Variants in TMX4 observed in about 807,000 individuals in gnomAD.
The protein encoded by TMX4 is thioredoxin-related transmembrane protein 4.
Under a neutral mutation model 33.3 loss-of-function variants are expected in TMX4, and 23 were observed. The ratio of observed to expected loss-of-function variants is 0.69; its 90% CI spans 0.50 to 0.98. The LOEUF is 0.98. Among genes scored for constraint, TMX4 ranks in the 50% least tolerant of loss-of-function variants. The probability of loss-of-function intolerance (pLI) is 0.00; values close to 1 mark genes in which losing one functional copy is unlikely to be tolerated. For missense variants in TMX4, 399 were observed against 448.9 expected (o/e 0.89, Z 1.01); for synonymous variants, 164 against 161.5 (o/e 1.02, Z -0.12).
intron 2 of TMX4, among the ~76,000 whole-genome samples, chr20:8,004,023 A>G (rs997305094): frequency 1.3e-5 from 2 of 152,088 alleles, no homozygotes; most frequent in East Asian, 1.9e-4. Context: ...TGATATATTC[A>G]GTAAAATCAA....
At chr20:8,018,945 T>C in intron 1 of TMX4, 1 of 426,416 alleles carries the variant, frequency 2.3e-6, no homozygotes, top group Non-Finnish European at 4.6e-6. Context: ...CGTGCTGCAA[T>C]TTCTTCAACA....
chr20:7,991,764 C>T (rs1296884853), intron 5 of TMX4, among the ~76,000 whole-genome samples: 1 of 151,806 alleles, frequency 6.6e-6, no homozygotes, highest in Non-Finnish European at 1.5e-5. Context: ...AAGCAATTAT[C>T]AAGCACATTA....
At chr20:8,011,148 G>C (rs2122878971) in intron 1 of TMX4, among the ~76,000 whole-genome samples, 1 of 152,156 alleles carries the variant, frequency 6.6e-6, no homozygotes, top group East Asian at 1.9e-4. Context: ...TAAGCAGGCT[G>C]AGCATTTTTA....
At position 7,982,088 on chromosome 20, in the gene TMX4, T is replaced by G. The variant is rs2050608455; in HGVS notation, c.*163A>C. ...GATTGTCACACCTGGAAGACTCTCC[T>G]TAGTATACATGAGGCTTACTGCCAT... On this transcript the variant is annotated 3_prime_UTR_variant, in exon 8 of 8. Coordinates refer to ENST00000246024, the MANE Select transcript of TMX4 (RefSeq NM_021156.4). 1 of 678,908 alleles carries G rather than the reference T, an allele frequency of 1.5e-6. No homozygotes were observed. The highest frequency in any genetic ancestry group is 2.0e-5 in the South Asian group (1 of 50,856). The allele number at this position is 678,908 out of a possible 1,614,324, so 42.1% of individuals were successfully genotyped here. A position where few individuals can be genotyped will look rare whatever the true frequency, so the allele number is the denominator to read the frequency against.
At chr20:8,000,191 G>A (rs2050698673) in intron 3 of TMX4, among the ~76,000 whole-genome samples, 1 of 152,134 alleles carries the variant, frequency 6.6e-6, no homozygotes. Context: ...AACAGCCATT[G>A]TTATCAAGTT....
At chr20:8,004,525 C>T (rs2050719699) in intron 2 of TMX4, among the ~76,000 whole-genome samples, 4 of 152,124 alleles carry the variant, frequency 2.6e-5, no homozygotes, top group Non-Finnish European at 5.9e-5. Flanking sequence ...GGGTAACTTC[C>T]ACTTTAAAAT....
chr20:7,987,348 A>T lies in TMX4; in HGVS notation c.555T>A (p.Ala185=). The T allele has an allele frequency of 6.2e-7, 1 of 1,600,918 alleles. No individual in the cohort carries two copies. The highest frequency in any genetic ancestry group is 8.5e-7 in the Non-Finnish European group (1 of 1,176,728). The change falls in exon 6 of 8, where the codon GCT becomes GCA. Residue 185 remains alanine, a synonymous_variant. Coordinates refer to ENST00000246024, the MANE Select transcript of TMX4 (RefSeq NM_021156.4). The part of the protein sequence containing the change: ...NYFTVTLGIP[A]WCSYVFFVIA... ...TGACGAAAAAGACATAAGAACACCA[A>T]GCAGGAATTCCAAGAGTCACTGTGA...
chr20:8,014,673 T>C (rs1057504924), intron 1 of TMX4, among the ~76,000 whole-genome samples: 1 of 152,190 alleles, frequency 6.6e-6, no homozygotes, highest in African/African-American at 2.4e-5. Flanking sequence ...TCCTGGGGCA[T>C]TGCGATGATG....
rs2050586016 is a variant in TMX4, at chr20:7,977,692, T to C, written c.*4559A>G. The C allele has an allele frequency of 6.6e-6, 1 of 152,206 alleles. No homozygotes were observed. The highest frequency in any genetic ancestry group is 2.1e-4 in the South Asian group (1 of 4,832). 9.4% of individuals were successfully genotyped at this position (152,206 alleles called of 1,614,324 possible). On this transcript the variant is annotated 3_prime_UTR_variant, in exon 8 of 8. Coordinates refer to ENST00000246024, the MANE Select transcript of TMX4 (RefSeq NM_021156.4). ...TTCATTAGGCTAAGACTAATACCAG[T>C]AATATAAACAACAAATTTATAACAT...
intron 5 of TMX4, 67 bp downstream of exon 5, chr20:7,995,959 G>T: frequency 7.8e-7 from 1 of 1,286,454 alleles, no homozygotes; most frequent in Non-Finnish European, 1.1e-6. Flanking sequence ...TTTTCCTATT[G>T]CTTAAAAGCT....
At chr20:8,011,924 T>C (rs1436778553) in intron 1 of TMX4, among the ~76,000 whole-genome samples, 1 of 152,186 alleles carries the variant, frequency 6.6e-6, no homozygotes, top group Non-Finnish European at 1.5e-5. Context: ...CGTGTCTCTG[T>C]ATTTCCAAGG....
At chr20:8,018,805 TAATA>T (rs1288653580) in intron 1 of TMX4, 3 of 237,254 alleles carry the variant, frequency 1.3e-5, no homozygotes, top group Non-Finnish European at 2.5e-5. Flanking sequence ...TTACAAGTTA[TAATA>T]AGTATCAACA....
chr20:8,011,770 G>T (rs1451909499), intron 1 of TMX4, among the ~76,000 whole-genome samples: 1 of 152,020 alleles, frequency 6.6e-6, no homozygotes, highest in Non-Finnish European at 1.5e-5. Flanking sequence ...CTCTAGAAAA[G>T]ACTACTATAT....
chr20:7,986,992 T>C (rs1315308983), intron 6 of TMX4, among the ~76,000 whole-genome samples: 10 of 151,396 alleles, frequency 6.6e-5, no homozygotes, highest in Non-Finnish European at 1.5e-5. Flanking sequence ...TCAGTTGTCT[T>C]AGAAACTATC....
intron 2 of TMX4, among the ~76,000 whole-genome samples, chr20:8,004,124 CAA>C (rs755739694): frequency 3.2e-4 from 43 of 132,330 alleles, no homozygotes; most frequent in Admixed American, 7.6e-4. Flanking sequence ...AAATTCATCT[CAA>C]AAAAAAAAAA....
At position 7,978,848 on chromosome 20, in the gene TMX4, C is replaced by G. The variant is rs2050592757; in HGVS notation, c.*3403G>C. 1 of 152,144 alleles carries G rather than the reference C, an allele frequency of 6.6e-6. No homozygotes were observed. Among genetic ancestry groups the G allele is most frequent in the South Asian group, 2.1e-4 (1 of 4,826 alleles). The allele number at this position is 152,144 out of a possible 1,614,324, so 9.4% of individuals were successfully genotyped here. ...AGCTGGGTTGGTTTAGCAGATCTAG[C>G]AAGAGACAAATAATAAGAGAAACCA... is the stretch of plus-strand genomic sequence containing the variant. On this transcript the variant is annotated 3_prime_UTR_variant, in exon 8 of 8. Transcript: ENST00000246024.
At position 7,983,824 on chromosome 20, in the gene TMX4, G is replaced by A. The variant is rs1344179371; in HGVS notation, c.649C>T (p.Pro217Ser). ...LVVISECFYV[P>S]LPRHLSERSE... ...CGCTCAGATAAATGCCTTGGAAGTGGCACATAGAAACATTCTGATATTACC... is the reference window on the plus strand; with the variant it reads ...CGCTCAGATAAATGCCTTGGAAGTGACACATAGAAACATTCTGATATTACC... Residue 217 changes from proline (P) to serine (S), a missense_variant, in exon 7 of 8, where the codon CCA (proline) becomes TCA (serine). Physicochemically the swap from Pro to Ser is moderately conservative, Grantham distance 74. Coordinates refer to ENST00000246024, the MANE Select transcript of TMX4 (RefSeq NM_021156.4). 6.2e-7 allele frequency: 1 copy of A among 1,613,346 alleles called. No individual in the cohort carries two copies. The highest frequency in any genetic ancestry group is 2.2e-5 in the East Asian group (1 of 44,792).
At chr20:8,008,855 A>G (rs527538088) in intron 2 of TMX4, among the ~76,000 whole-genome samples, 1 of 152,320 alleles carries the variant, frequency 6.6e-6, no homozygotes, top group South Asian at 2.1e-4. Flanking sequence ...CCATCTCTAG[A>G]TGGAGGACAA....
intron 5 of TMX4, among the ~76,000 whole-genome samples, chr20:7,989,113 T>C (rs1179888703): frequency 1.3e-5 from 2 of 152,088 alleles, no homozygotes; most frequent in Non-Finnish European, 2.9e-5. Context: ...TCAAACTCTT[T>C]TCAAAGAAAG....
Sources: gnomAD v4.1 joint callset for allele counts (sites outside exome capture counted in the v4.1 genomes callset) on GRCh38, gnomAD v4.1.1 for gene constraint, MANE v1.5 for transcripts, NCBI Gene and HGNC (gene_info 2026-07-23, HGNC 2026-07-21) for gene names.